SLC35F3: variants seen among roughly 807,000 people sequenced by gnomAD.
SLC35F3 encodes solute carrier family 35 member F3, also known as putative thiamine transporter SLC35F3.
In SLC35F3, 25 loss-of-function variants were observed where a neutral mutation model predicts 49.9. The observed-to-expected ratio is 0.50, with a 90% CI of 0.37 to 0.70. SLC35F3 has a LOEUF of 0.70. Ranked by LOEUF, SLC35F3 falls within the 30% of genes least tolerant of loss-of-function variation. The pLI, the probability that SLC35F3 is intolerant of heterozygous loss-of-function variation, is 0.00. For missense variants in SLC35F3, 525 were observed against 639.8 expected, an observed-to-expected ratio of 0.82 and a Z score of 1.94; for synonymous variants, 275 against 265.4, an observed-to-expected ratio of 1.04 and a Z score of -0.35.
intron 2 of SLC35F3, among the ~76,000 whole-genome samples, chr1:233,984,172 T>C (rs1663230060): frequency 6.6e-6 from 1 of 152,210 alleles, no homozygotes; most frequent in African/African-American, 2.4e-5. Flanking sequence ...GCTACTCGGC[T>C]CTTCTCTTTT....
At chr1:234,277,226 G>T (rs1668226980) in intron 3 of SLC35F3, among the ~76,000 whole-genome samples, 1 of 152,232 alleles carries the variant, frequency 6.6e-6, no homozygotes, top group Non-Finnish European at 1.5e-5. Context: ...TGGGGGTTGA[G>T]GGGGAGTGTC....
chr1:234,193,523 C>T (rs898653309), intron 2 of SLC35F3, among the ~76,000 whole-genome samples: 1 of 152,142 alleles, frequency 6.6e-6, no homozygotes, highest in Admixed American at 6.6e-5. Context: ...CCCTTCTAGA[C>T]ATTGGCTTAG....
chr1:234,119,390 A>T (rs999743440), intron 2 of SLC35F3, among the ~76,000 whole-genome samples: 2 of 152,006 alleles, frequency 1.3e-5, no homozygotes, highest in South Asian at 4.2e-4. Flanking sequence ...AACCAAATAA[A>T]CCATGAAAAA....
At position 234,248,130 on chromosome 1, in the gene SLC35F3, G is replaced by A. The variant is rs377107094; in HGVS notation, c.608+16389G>A. On this transcript the variant is annotated intron_variant, in intron 3 of 7. Coordinates refer to ENST00000366618, the MANE Select transcript of SLC35F3 (RefSeq NM_173508.4). ...TGGCTGGTCAGTTGTTCTGTGGGTCGGTTGGCTGGTCCATTGTTCAGTGGG... is the reference window on the plus strand; with the variant it reads ...TGGCTGGTCAGTTGTTCTGTGGGTCAGTTGGCTGGTCCATTGTTCAGTGGG... Among the ~76,000 whole-genome samples the A allele has an allele frequency of 3.4e-3, 509 of 150,730 alleles. 1 individual carries two copies. The South Asian group carries it at 0.041, about 12-fold the overall frequency.
chr1:234,007,665 G>T (rs1663650657), intron 2 of SLC35F3, among the ~76,000 whole-genome samples: 1 of 152,212 alleles, frequency 6.6e-6, no homozygotes, highest in South Asian at 2.1e-4. Context: ...TCACAGCACA[G>T]CTTGGAACCC....
At chr1:233,992,865 A>G (rs1663386897) in intron 2 of SLC35F3, among the ~76,000 whole-genome samples, 2 of 152,150 alleles carry the variant, frequency 1.3e-5, no homozygotes, top group Admixed American at 6.5e-5. Context: ...GAAAACAGAA[A>G]TGGAAAGTGG....
intron 2 of SLC35F3, among the ~76,000 whole-genome samples, chr1:233,943,844 A>G (rs993130869): frequency 6.6e-6 from 1 of 152,264 alleles, no homozygotes; most frequent in African/African-American, 2.4e-5. Context: ...ATTGAGGTTT[A>G]AGGAAATAAT....
chr1:233,961,685 G>A (rs1452592460), intron 2 of SLC35F3, among the ~76,000 whole-genome samples: 1 of 152,002 alleles, frequency 6.6e-6, no homozygotes, highest in African/African-American at 2.4e-5. Context: ...TGAACTCCTG[G>A]CCTCAGATGA....
intron 2 of SLC35F3, among the ~76,000 whole-genome samples, chr1:234,014,757 A>G (rs1663777233): frequency 6.6e-6 from 1 of 152,258 alleles, no homozygotes; most frequent in Non-Finnish European, 1.5e-5. Flanking sequence ...ATGCATAGGA[A>G]TAAATTTAAA....
intron 3 of SLC35F3, among the ~76,000 whole-genome samples, chr1:234,282,825 C>G (rs1287639132): frequency 2.0e-5 from 3 of 152,126 alleles, no homozygotes; most frequent in Non-Finnish European, 4.4e-5. Flanking sequence ...GTGTGCCAGG[C>G]CACCATCCTT....
chr1:234,112,529 T>C (rs962987601), intron 2 of SLC35F3, among the ~76,000 whole-genome samples: 1 of 151,122 alleles, frequency 6.6e-6, no homozygotes, highest in South Asian at 2.1e-4. Flanking sequence ...TTTTACCCAA[T>C]CTTTTGTGAA....
intron 2 of SLC35F3, among the ~76,000 whole-genome samples, chr1:234,049,841 A>G (rs371686404): frequency 1.2e-4 from 18 of 152,132 alleles, no homozygotes; most frequent in African/African-American, 2.9e-4. Flanking sequence ...CCTGTGTCCA[A>G]GTGTTCTCAT....
intron 2 of SLC35F3, among the ~76,000 whole-genome samples, chr1:234,219,622 G>A (rs1053524938): frequency 1.3e-5 from 2 of 152,204 alleles, no homozygotes; most frequent in African/African-American, 4.8e-5. Context: ...CATTTCAGCT[G>A]AGGGTGAACT....
At chr1:234,220,355 G>A (rs1237813466) in intron 2 of SLC35F3, among the ~76,000 whole-genome samples, 2 of 152,096 alleles carry the variant, frequency 1.3e-5, no homozygotes, top group Admixed American at 1.3e-4. Flanking sequence ...TGAAGGTATA[G>A]CGAAAAATTT....
At chr1:234,286,836 G>A (rs489983) in intron 3 of SLC35F3, among the ~76,000 whole-genome samples, 95,277 of 151,530 alleles carry the variant, frequency 0.63, 30,204 homozygotes, top group East Asian at 0.75. Flanking sequence ...TTCCTCAAAC[G>A]TTGTGAGTTT....
At chr1:234,157,016 A>T (rs958494153) in intron 2 of SLC35F3, among the ~76,000 whole-genome samples, 1 of 152,172 alleles carries the variant, frequency 6.6e-6, no homozygotes, top group Non-Finnish European at 1.5e-5. Flanking sequence ...AGGAGATGAT[A>T]AAAATGTTAT....
At chr1:234,263,327 T>G (rs1009189255) in intron 3 of SLC35F3, among the ~76,000 whole-genome samples, 9 of 152,170 alleles carry the variant, frequency 5.9e-5, no homozygotes, top group Non-Finnish European at 1.2e-4. Flanking sequence ...TAAAAGAATG[T>G]TAAAGGAGTA....
At chr1:233,958,622 T>C (rs1662744435) in intron 2 of SLC35F3, among the ~76,000 whole-genome samples, 1 of 152,200 alleles carries the variant, frequency 6.6e-6, no homozygotes, top group African/African-American at 2.4e-5. Flanking sequence ...TGGGAGGATG[T>C]GTTGTGAGAG....
chr1:233,932,261 A>G (rs1409944845), intron 2 of SLC35F3, among the ~76,000 whole-genome samples: 1 of 151,736 alleles, frequency 6.6e-6, no homozygotes, highest in Non-Finnish European at 1.5e-5. Context: ...AAAACCACAC[A>G]TTCTGTACGT....
Sources: allele counts gnomAD v4.1 joint callset (sites outside exome capture counted in the v4.1 genomes callset), GRCh38; gene constraint gnomAD v4.1.1; transcripts MANE v1.5; gene names NCBI Gene and HGNC (gene_info 2026-07-23, HGNC 2026-07-21).